Variants in PKHD1 observed in about 807,000 individuals in gnomAD.
The protein encoded by PKHD1 is PKHD1 ciliary IPT domain containing fibrocystin/polyductin, also known as fibrocystin.
In PKHD1, 291 loss-of-function variants were observed where a neutral mutation model predicts 412.0. The ratio of observed to expected loss-of-function variants is 0.71; its 90% CI spans 0.64 to 0.78. The LOEUF (loss-of-function observed/expected upper bound fraction) is 0.78. Among genes scored for constraint, PKHD1 ranks in the 30% least tolerant of loss-of-function variants. PKHD1 has a pLI of 0.00. For synonymous variants in PKHD1, 1,777 were observed against 1,821.5 expected (o/e 0.98, Z 0.62); for missense variants, 4,825 against 4,950.7 (o/e 0.97, Z 0.76).
At chr6:51,944,452 AT>A (rs565184370) in intron 36 of PKHD1, among the ~76,000 whole-genome samples, 141 of 151,516 alleles carry the variant, frequency 9.3e-4, no homozygotes, top group Non-Finnish European at 1.7e-3. Context: ...GTCTTTTGAG[AT>A]TTTTTTTTAG....
chr6:52,066,058 T>C lies in PKHD1; in HGVS notation c.798A>G (p.Pro266=). ...TTCTTCCCCCAAGGCTCCCAGTTTC[T>C]GGAAACACAGATAATATTTCTGCAA... ...QTHSEILSVF[P]ETGSLGGRTN... is the part of the protein sequence containing the mutation. The change falls in exon 12 of 67, where the codon CCA becomes CCG. Residue 266 remains proline, a synonymous_variant. Transcript: ENST00000371117. The C allele has an allele frequency of 6.4e-7, 1 of 1,574,018 alleles. No homozygotes were observed.
Position 51,837,092 on chromosome 6 carries a change from G to A in PKHD1, c.8108-623C>T, listed in dbSNP as rs141387661. On this transcript the variant is annotated intron_variant, in intron 50 of 66. Coordinates refer to ENST00000371117, the MANE Select transcript of PKHD1 (RefSeq NM_138694.4). ...AGGATAAACCAGTAGATTAAGCTGG[G>A]AACATATGCTCCTTTGCCAAGAGAG... Among the ~76,000 whole-genome samples, 445 of 152,282 alleles carry A rather than the reference G, an allele frequency of 2.9e-3. 2 individuals are homozygous for A. The highest frequency in any genetic ancestry group is 0.01 in the African/African-American group (425 of 41,560).
At chr6:51,767,753 T>TG (rs1188240825) in intron 55 of PKHD1, among the ~76,000 whole-genome samples, 1 of 152,214 alleles carries the variant, frequency 6.6e-6, no homozygotes, top group Non-Finnish European at 1.5e-5. Flanking sequence ...TCTTTGCTAT[T>TG]GTGAATAGTG....
chr6:51,916,088 C>T (rs1442864490), intron 37 of PKHD1, among the ~76,000 whole-genome samples: 1 of 152,080 alleles, frequency 6.6e-6, no homozygotes, highest in Non-Finnish European at 1.5e-5. Context: ...CTTTTCTCTC[C>T]ACCTTACAGG....
At position 51,744,500 on chromosome 6, in the gene PKHD1, T is replaced by C. The variant is rs139546793; in HGVS notation, c.10041A>G (p.Ala3347=). The change falls in exon 60 of 67, where the codon GCA becomes GCG. Residue 3347 remains alanine (A), a synonymous_variant. Transcript: ENST00000371117. ...GKVVCPELDC[A]SPRKYLFKDL... ...CCTTGAAGAGATATTTTCTTGGACT[T>C]GCACAGTCTAATTCAGGACAGACTA... is the stretch of plus-strand genomic sequence containing the variant. 5.6e-6 allele frequency: 9 copies of C among 1,613,208 alleles called. No individual in the cohort carries two copies. The African/African-American group carries it at 1.1e-4, about 19-fold the overall frequency.
In PKHD1 at chr6:52,024,558, T is replaced by C; in HGVS notation, c.5236+16A>G. On this transcript the variant is annotated intron_variant, in intron 32 of 66. Coordinates refer to ENST00000371117, the MANE Select transcript of PKHD1 (RefSeq NM_138694.4). ...TTTACATAAAGAAAGTGTGCTGTCT[T>C]ATTTGCTTGACTTACCGAAGTTCTC... 1 of 1,611,890 alleles carries C rather than the reference T, an allele frequency of 6.2e-7. No individual in the cohort carries two copies. The highest frequency in any genetic ancestry group is 1.7e-5 in the Admixed American group (1 of 60,030).
chr6:52,035,482 G>A (rs969496445), intron 28 of PKHD1, 109 bp downstream of exon 28: 2 of 1,092,820 alleles, frequency 1.8e-6, no homozygotes, highest in African/African-American at 3.1e-5. Flanking sequence ...CTATCATAAT[G>A]AGAAGTTTAC....
intron 53 of PKHD1, among the ~76,000 whole-genome samples, chr6:51,788,310 G>A (rs1793204103): frequency 6.6e-6 from 1 of 151,930 alleles, no homozygotes; most frequent in African/African-American, 2.4e-5. Flanking sequence ...GATAGCTGGA[G>A]GCTGACTATG....
At chr6:51,763,894 C>T (rs541329633) in intron 55 of PKHD1, among the ~76,000 whole-genome samples, 2 of 152,022 alleles carry the variant, frequency 1.3e-5, no homozygotes, top group East Asian at 3.9e-4. Flanking sequence ...TCCATACTAC[C>T]CCCTTAAAAA....
intron 52 of PKHD1, among the ~76,000 whole-genome samples, chr6:51,796,820 T>TTTC: frequency 6.6e-6 from 1 of 150,820 alleles, no homozygotes; most frequent in African/African-American, 2.4e-5. Flanking sequence ...TGAATAGATT[T>TTTC]TTTTTTTTTT....
At chr6:52,035,424 AG>A (rs1015941776) in intron 28 of PKHD1, among the ~76,000 whole-genome samples, 166 bp downstream of exon 28, 8 of 152,232 alleles carry the variant, frequency 5.3e-5, no homozygotes, top group African/African-American at 1.9e-4. Flanking sequence ...TGGTGGGGTC[AG>A]TTTCCCACTT....
At position 52,064,941 on chromosome 6, in the gene PKHD1, G is replaced by A. The variant is rs895149995; in HGVS notation, c.976+14C>T. On this transcript the variant is annotated intron_variant, in intron 13 of 66. Transcript: ENST00000371117. ...TATTCAGAGTTTATTGAACAGCCCT[G>A]GTGGCTTCCTTACCTGGCTGAGGGG... 1.4e-6 allele frequency: 2 copies of A among 1,476,620 alleles called. No homozygotes were observed. The highest frequency in any genetic ancestry group is 1.1e-5 in the South Asian group (1 of 88,252). 91.5% of individuals were successfully genotyped at this position (1,476,620 alleles called of 1,614,324 possible). A position where few individuals can be genotyped will look rare whatever the true frequency, so the allele number is the denominator to read the frequency against.
intron 35 of PKHD1, among the ~76,000 whole-genome samples, chr6:51,992,944 A>G (rs1797216938): frequency 6.6e-6 from 1 of 152,256 alleles, no homozygotes; most frequent in Non-Finnish European, 1.5e-5. Flanking sequence ...ATGTAAAACT[A>G]GATTCAACCA....
chr6:51,972,959 T>G (rs1793892215), intron 35 of PKHD1, among the ~76,000 whole-genome samples: 1 of 152,164 alleles, frequency 6.6e-6, no homozygotes, highest in African/African-American at 2.4e-5. Flanking sequence ...CATGTCAGGA[T>G]CAAAACCGCA....
At chr6:51,992,404 A>C (rs1297815031) in intron 35 of PKHD1, among the ~76,000 whole-genome samples, 1 of 152,208 alleles carries the variant, frequency 6.6e-6, no homozygotes, top group African/African-American at 2.4e-5. Context: ...GAAAAGTATC[A>C]ATTTATCCAA....
rs369093047 is a variant in PKHD1, at chr6:52,065,133, TTATATATATA to T, written c.881-93_881-84del. ...TATATGTGTGTGGGTATATGTATAA[TTATATATATA>T]TATATATATATATATATATATATAT... On this transcript the variant is annotated intron_variant, in intron 12 of 66. Transcript: ENST00000371117. 201 of 132,262 alleles carry T rather than the reference TTATATATATA, an allele frequency of 1.5e-3. 2 individuals are homozygous for T. Among genetic ancestry groups the T allele is most frequent in the Middle Eastern group, 5.7e-3 (2 of 350 alleles). 8.2% of individuals were successfully genotyped at this position (132,262 alleles called of 1,614,324 possible).
intron 52 of PKHD1, among the ~76,000 whole-genome samples, chr6:51,793,240 A>C (rs2151275344): frequency 6.6e-6 from 1 of 152,332 alleles, no homozygotes; most frequent in East Asian, 1.9e-4. Context: ...GTACCTAGAG[A>C]ATGTTCTAGG....
At position 51,842,411 on chromosome 6, in the gene PKHD1, C is replaced by T. The variant is rs576748274; in HGVS notation, c.8107+5364G>A. Among the ~76,000 whole-genome samples the T allele has an allele frequency of 5.3e-5, 8 of 152,264 alleles. No homozygotes were observed. The South Asian group carries it at 1.5e-3, about 28-fold the overall frequency. ...CAACCCAACAGTTTGCCCTAAAGAG[C>T]CTTTTACCAATATAAAAGGACAGGG... On this transcript the variant is annotated intron_variant, in intron 50 of 66. Coordinates refer to ENST00000371117, the MANE Select transcript of PKHD1 (RefSeq NM_138694.4).
rs535627473 is a variant in PKHD1, at chr6:51,966,431, C to T, written c.5752-6405G>A. Among the ~76,000 whole-genome samples, 25 of 152,220 alleles carry T rather than the reference C, an allele frequency of 1.6e-4. No individual in the cohort carries two copies. The East Asian group carries it at 3.3e-3, about 20-fold the overall frequency. On this transcript the variant is annotated intron_variant, in intron 35 of 66. Transcript: ENST00000371117. The stretch of plus-strand genomic sequence containing the variant: ...AGCAAAGGGATAATTTTGACTAGAA[C>T]GGAAGGCAGGTTTGCCCTAAGCAGT...
Sources: allele counts gnomAD v4.1 joint callset (sites outside exome capture counted in the v4.1 genomes callset), GRCh38; gene constraint gnomAD v4.1.1; transcripts MANE v1.5; gene names NCBI Gene and HGNC (gene_info 2026-07-23, HGNC 2026-07-21).